PLEKHH1: variants seen among roughly 807,000 people sequenced by gnomAD.
The protein encoded by PLEKHH1 is pleckstrin homology, MyTH4 and FERM domain containing H1, also known as pleckstrin homology domain-containing family H member 1.
PLEKHH1 carries 104 observed loss-of-function variants against 160.0 expected under a neutral mutation model. The ratio of observed to expected loss-of-function variants is 0.65; its 90% CI spans 0.55 to 0.76. The LOEUF is 0.76. PLEKHH1 is among the 30% of genes least tolerant of loss of function. The pLI, the probability that PLEKHH1 is intolerant of heterozygous loss-of-function variation, is 0.00. For missense variants in PLEKHH1, 1,427 were observed against 1,724.1 expected, an observed-to-expected ratio of 0.83 and a Z score of 3.05; for synonymous variants, 619 against 678.4, an observed-to-expected ratio of 0.91 and a Z score of 1.36.
chr14:67,539,063 G>A (rs947733277), intron 1 of PLEKHH1, among the ~76,000 whole-genome samples: 7 of 152,058 alleles, frequency 4.6e-5, no homozygotes, highest in Admixed American at 3.3e-4. Flanking sequence ...TTGCTTTTAT[G>A]CTTTTACTGT....
chr14:67,541,681 C>A (rs148632683), intron 1 of PLEKHH1, among the ~76,000 whole-genome samples, 153 bp from the exon 2 acceptor site: 1,657 of 151,484 alleles, frequency 0.011, 39 homozygotes, highest in African/African-American at 0.039. Flanking sequence ...AGGGAGGGGC[C>A]CTGGGGATCA....
rs748886358 is a variant in PLEKHH1, at chr14:67,572,195, C to T, written c.1646C>T (p.Ser549Leu). 1.8e-5 allele frequency: 29 copies of T among 1,608,810 alleles called. No homozygotes were observed. In the East Asian group the frequency reaches 5.8e-4, roughly 32 times the overall value. The stretch of plus-strand genomic sequence containing the variant: ...TACGCCATCCCCCCGGACGCCTGCT[C>T]ACTGGACAGTGACTACTCAGAGCCT... ...GDYAIPPDAC[S>L]LDSDYSEPEH... The change falls in exon 11 of 29, where the codon TCA (serine) becomes TTA (leucine). Residue 549 changes from serine to leucine, a missense_variant. Physicochemically the swap from Ser to Leu is moderately radical, Grantham distance 145. Coordinates refer to ENST00000329153, the MANE Select transcript of PLEKHH1 (RefSeq NM_020715.3).
intron 2 of PLEKHH1, among the ~76,000 whole-genome samples, chr14:67,552,402 A>G (rs534014537): frequency 8.2e-4 from 125 of 152,370 alleles, no homozygotes; most frequent in African/African-American, 2.8e-3. Context: ...CATTAGTTTT[A>G]GAGAAAAAAG....
chr14:67,537,538 G>T (rs567005420), intron 1 of PLEKHH1, among the ~76,000 whole-genome samples: 31 of 148,550 alleles, frequency 2.1e-4, no homozygotes, highest in Non-Finnish European at 3.7e-4. Context: ...AGTGGTGCAC[G>T]CCTGTAGTCC....
At chr14:67,553,158 C>T (rs963944880) in intron 2 of PLEKHH1, among the ~76,000 whole-genome samples, 1 of 152,156 alleles carries the variant, frequency 6.6e-6, no homozygotes, top group Non-Finnish European at 1.5e-5. Context: ...ATCAGCCAAT[C>T]GTTTCAGAAT....
Position 67,573,928 on chromosome 14 carries a change from G to A in PLEKHH1, c.1926+41G>A, listed in dbSNP as rs759201407. 6 of 1,463,490 alleles carry A rather than the reference G, an allele frequency of 4.1e-6. No individual in the cohort carries two copies. In the African/African-American group the frequency reaches 4.2e-5, roughly 10 times the overall value. The allele number at this position is 1,463,490 out of a possible 1,614,324, so 90.7% of individuals were successfully genotyped here. On this transcript the variant is annotated intron_variant, in intron 13 of 28. Coordinates refer to ENST00000329153, the MANE Select transcript of PLEKHH1 (RefSeq NM_020715.3). This position sits in a 1 kb window ranked among gnomAD's most constrained non-coding sequence, Gnocchi z 4.8. ...GCTGCTAGTATTTTAAACAGAAGAG[G>A]TGCTGGGTTTGGATATGGCCGTGAG...
At chr14:67,583,946 A>G in intron 25 of PLEKHH1, 49 bp from the exon 26 acceptor site, 1 of 1,611,874 alleles carries the variant, frequency 6.2e-7, no homozygotes, top group Non-Finnish European at 8.5e-7. Flanking sequence ...TGGAATGAAG[A>G]CACGTCGGCA....
At chr14:67,586,350 C>T in intron 28 of PLEKHH1, 1 of 1,434,908 alleles carries the variant, frequency 7.0e-7, no homozygotes, top group Admixed American at 2.1e-5. Flanking sequence ...TTCACTTTTT[C>T]TTTTTTATTC....
At chr14:67,581,299 C>CACAA (rs2035886532) in intron 23 of PLEKHH1, among the ~76,000 whole-genome samples, 1 of 151,746 alleles carries the variant, frequency 6.6e-6, no homozygotes, top group South Asian at 2.1e-4. Flanking sequence ...CACACACACA[C>CACAA]AAACATCTGC....
Position 67,561,939 on chromosome 14 carries a change from T to C in PLEKHH1, c.424-15T>C. The C allele has an allele frequency of 1.9e-6, 3 of 1,606,964 alleles. No individual in the cohort carries two copies. Among genetic ancestry groups the C allele is most frequent in the Non-Finnish European group, 2.6e-6 (3 of 1,173,634 alleles). ...AGGCTGGGTGTCCTAAATCTTCATT[T>C]TTCTTTTTGCTCAGCTTGAGATGGA... On this transcript the variant is annotated splice_polypyrimidine_tract_variant and intron_variant, in intron 5 of 28. Coordinates refer to ENST00000329153, the MANE Select transcript of PLEKHH1 (RefSeq NM_020715.3).
At chr14:67,549,273 ATT>A (rs113718534) in intron 2 of PLEKHH1, among the ~76,000 whole-genome samples, 2 of 139,944 alleles carry the variant, frequency 1.4e-5, no homozygotes, top group Admixed American at 7.2e-5. Flanking sequence ...GAGATTTTTA[ATT>A]TTTTTTTTTT....
At chr14:67,559,714 AGGCCTGCCAGAGGCATGGCTG>A (rs2034747484) in intron 5 of PLEKHH1, 23 bp downstream of exon 5, 10 of 1,525,348 alleles carry the variant, frequency 6.6e-6, no homozygotes, top group Non-Finnish European at 9.0e-6. Context: ...CTCATCTTGG[AGGCCTGCCAGAGGCATGGCTG>A]GGCCTGCCCT....
intron 1 of PLEKHH1, among the ~76,000 whole-genome samples, chr14:67,539,587 C>T (rs2033884952): frequency 6.6e-6 from 1 of 152,186 alleles, no homozygotes; most frequent in South Asian, 2.1e-4. Context: ...GATATAGGTT[C>T]ATCCTTGTGC....
At chr14:67,564,563 T>A (rs2140429445) in intron 7 of PLEKHH1, among the ~76,000 whole-genome samples, 1 of 152,092 alleles carries the variant, frequency 6.6e-6, no homozygotes, top group Middle Eastern at 3.4e-3. Context: ...GCTCAAGCAA[T>A]CCTCCTACTT....
chr14:67,578,753 C>T lies in PLEKHH1; in HGVS notation c.2849+122C>T, dbSNP rs986383687. 4.2e-6 allele frequency: 3 copies of T among 710,848 alleles called. No individual in the cohort carries two copies. The highest frequency in any genetic ancestry group is 2.1e-5 in the Admixed American group (1 of 48,774). The allele number at this position is 710,848 out of a possible 1,614,324, so 44.0% of individuals were successfully genotyped here. ...CTGTCCTCTGAAACCGCTCAGTGGT[C>T]GTGGAGACTTCACCCATTGCCGTGT... On this transcript the variant is annotated intron_variant, in intron 20 of 28. Coordinates refer to ENST00000329153, the MANE Select transcript of PLEKHH1 (RefSeq NM_020715.3). The surrounding 1 kb of genome is among the most constrained non-coding windows in gnomAD (Gnocchi z 5.0).
At chr14:67,571,950 C>T (rs776494348) in intron 10 of PLEKHH1, 48 bp downstream of exon 10, 11 of 1,557,560 alleles carry the variant, frequency 7.1e-6, no homozygotes, top group Admixed American at 1.9e-5. Flanking sequence ...AGGAGCCCCT[C>T]ACCTCTTCCC....
chr14:67,572,444 A>G (rs2140473676), intron 11 of PLEKHH1, among the ~76,000 whole-genome samples, 167 bp downstream of exon 11: 1 of 152,222 alleles, frequency 6.6e-6, no homozygotes, highest in Admixed American at 6.5e-5. Context: ...ATGGAGTCAG[A>G]CACACAGACC....
chr14:67,560,066 G>A (rs917332784), intron 5 of PLEKHH1, among the ~76,000 whole-genome samples: 6 of 151,810 alleles, frequency 4.0e-5, no homozygotes, highest in Non-Finnish European at 7.4e-5. Flanking sequence ...TCGCTCTCTC[G>A]CCCAGGCTGG....
Position 67,562,204 on chromosome 14 carries a change from C to G in PLEKHH1, c.573C>G (p.Val191=). The G allele has an allele frequency of 6.2e-7, 1 of 1,611,468 alleles. No homozygotes were observed. The highest frequency in any genetic ancestry group is 8.5e-7 in the Non-Finnish European group (1 of 1,178,720). ...PPYGAAEQDS[V]PSEPGIQPMG... ...ACGGAGCTGCAGAGCAGGATTCTGT[C>G]CCTTCAGAGCCGGGAATCCAGCCTA... Residue 191 remains valine, a synonymous_variant, in exon 7 of 29, where the codon GTC becomes GTG. Coordinates refer to ENST00000329153, the MANE Select transcript of PLEKHH1 (RefSeq NM_020715.3).
Sources: gnomAD v4.1 joint callset for allele counts (sites outside exome capture counted in the v4.1 genomes callset) on GRCh38, gnomAD v4.1.1 for gene constraint, Gnocchi (gnomAD v3.1) non-coding constraint, MANE v1.5 for transcripts, NCBI Gene and HGNC (gene_info 2026-07-23, HGNC 2026-07-21) for gene names.